The following GALNTL6 variants were observed in gnomAD, a reference collection of about 807,000 sequenced individuals.
The protein encoded by GALNTL6 is polypeptide N-acetylgalactosaminyltransferase-like 6.
Under a neutral mutation model 73.7 loss-of-function variants are expected in GALNTL6, and 46 were observed. That is an observed-to-expected ratio of 0.62 (90% CI 0.49 to 0.80). GALNTL6 has a LOEUF of 0.80. GALNTL6 is among the 30% of genes least tolerant of loss of function. The pLI, the probability that GALNTL6 is intolerant of heterozygous loss-of-function variation, is 0.00. For synonymous variants in GALNTL6, 259 were observed against 263.7 expected (o/e 0.98, Z 0.17); for missense variants, 604 against 755.0 (o/e 0.80, Z 2.34).
chr4:172,305,948 A>T (rs1014188801), intron 3 of GALNTL6, among the ~76,000 whole-genome samples: 10 of 152,172 alleles, frequency 6.6e-5, no homozygotes, highest in Admixed American at 5.9e-4. Context: ...AGATGGTCTA[A>T]TGAATGTGTA....
chr4:172,124,892 A>G (rs895362130), intron 2 of GALNTL6, among the ~76,000 whole-genome samples: 3 of 152,176 alleles, frequency 2.0e-5, no homozygotes, highest in Admixed American at 6.5e-5. Flanking sequence ...TCCTGGTTAC[A>G]TGAAAAAAAA....
chr4:172,381,627 A>G (rs1743288074), intron 5 of GALNTL6, among the ~76,000 whole-genome samples: 1 of 152,248 alleles, frequency 6.6e-6, no homozygotes, highest in Admixed American at 6.5e-5. Context: ...GAGCTATAAC[A>G]ATAATGAAAT....
At chr4:173,000,436 T>A (rs1489675538) in intron 10 of GALNTL6, among the ~76,000 whole-genome samples, 2 of 152,180 alleles carry the variant, frequency 1.3e-5, no homozygotes, top group African/African-American at 4.8e-5. Context: ...AAACATCCCA[T>A]GTTCATGGAT....
chr4:172,768,672 G>A (rs1035451803), intron 5 of GALNTL6, among the ~76,000 whole-genome samples: 1 of 152,122 alleles, frequency 6.6e-6, no homozygotes, highest in African/African-American at 2.4e-5. Context: ...AAATATGAAT[G>A]TGCCTGGAAC....
chr4:172,233,627 A>G (rs993665358), intron 3 of GALNTL6, among the ~76,000 whole-genome samples: 1 of 152,044 alleles, frequency 6.6e-6, no homozygotes, highest in African/African-American at 2.4e-5. Context: ...GTGAGTAAAA[A>G]TCCCTGTGCT....
At chr4:172,343,516 T>TCAA (rs1741640619) in intron 4 of GALNTL6, among the ~76,000 whole-genome samples, 2 of 152,148 alleles carry the variant, frequency 1.3e-5, no homozygotes, top group Non-Finnish European at 1.5e-5. Flanking sequence ...GTGGCCTTTT[T>TCAA]TATTGTTGAA....
intron 2 of GALNTL6, among the ~76,000 whole-genome samples, chr4:171,861,100 T>C (rs1735819321): frequency 6.6e-6 from 1 of 152,190 alleles, no homozygotes; most frequent in African/African-American, 2.4e-5. Context: ...TCCACCCATT[T>C]CTGCAAATTA....
chr4:172,877,795 G>A (rs766877412), intron 7 of GALNTL6, among the ~76,000 whole-genome samples: 1 of 151,816 alleles, frequency 6.6e-6, no homozygotes, highest in Non-Finnish European at 1.5e-5. Flanking sequence ...GGCATCTCAT[G>A]GATAACAGGT....
At chr4:171,999,909 T>A (rs1448034569) in intron 2 of GALNTL6, among the ~76,000 whole-genome samples, 1 of 152,178 alleles carries the variant, frequency 6.6e-6, no homozygotes, top group African/African-American at 2.4e-5. Flanking sequence ...AACACCGATA[T>A]TCATAATATG....
At chr4:172,484,613 C>G (rs1733607668) in intron 5 of GALNTL6, among the ~76,000 whole-genome samples, 1 of 152,090 alleles carries the variant, frequency 6.6e-6, no homozygotes, top group East Asian at 1.9e-4. Context: ...TTTATGTTTC[C>G]CAGACTGGGT....
At chr4:172,019,975 G>T (rs1007173214) in intron 2 of GALNTL6, among the ~76,000 whole-genome samples, 13 of 152,084 alleles carry the variant, frequency 8.5e-5, no homozygotes, top group Non-Finnish European at 1.8e-4. Context: ...CATCTTTTCT[G>T]ATCATAATGT....
At chr4:172,598,673 C>A (rs190744994) in intron 5 of GALNTL6, among the ~76,000 whole-genome samples, 21 of 152,054 alleles carry the variant, frequency 1.4e-4, no homozygotes, top group Non-Finnish European at 1.5e-4. Context: ...AATTTTGGTA[C>A]CTATCATCCA....
At chr4:172,744,946 G>T (rs926277758) in intron 5 of GALNTL6, among the ~76,000 whole-genome samples, 1 of 151,368 alleles carries the variant, frequency 6.6e-6, no homozygotes, top group African/African-American at 2.4e-5. Flanking sequence ...ATTTTCCCTT[G>T]CCATTCAATA....
At chr4:172,652,929 G>C (rs1345136331) in intron 5 of GALNTL6, among the ~76,000 whole-genome samples, 1 of 151,770 alleles carries the variant, frequency 6.6e-6, no homozygotes, top group African/African-American at 2.4e-5. Context: ...TTCTGTTTTA[G>C]TTGCTACGAT....
At chr4:172,413,060 A>G (rs981349191) in intron 5 of GALNTL6, among the ~76,000 whole-genome samples, 2 of 152,176 alleles carry the variant, frequency 1.3e-5, no homozygotes, top group African/African-American at 4.8e-5. Context: ...CCAGCCTCAG[A>G]AGACTCCCAC....
chr4:173,024,721 C>T (rs537816123), intron 12 of GALNTL6, among the ~76,000 whole-genome samples: 13 of 152,286 alleles, frequency 8.5e-5, no homozygotes, highest in African/African-American at 2.4e-4. Context: ...GCCAGGACCA[C>T]AGGCATGACC....
intron 5 of GALNTL6, among the ~76,000 whole-genome samples, chr4:172,802,767 C>A (rs986417823): frequency 9.2e-5 from 14 of 151,496 alleles, no homozygotes; most frequent in East Asian, 2.0e-4. Context: ...CACACCACTA[C>A]ACAACAGAGT....
chr4:172,444,613 G>A (rs564713003), intron 5 of GALNTL6, among the ~76,000 whole-genome samples: 1 of 152,232 alleles, frequency 6.6e-6, no homozygotes, highest in East Asian at 1.9e-4. Flanking sequence ...TTCAAAAGTT[G>A]CTGTGCCATG....
At chr4:172,683,451 G>T (rs1732742601) in intron 5 of GALNTL6, among the ~76,000 whole-genome samples, 1 of 152,112 alleles carries the variant, frequency 6.6e-6, no homozygotes, top group Non-Finnish European at 1.5e-5. Flanking sequence ...TTTTAAACCA[G>T]TGTGCCACAG....
Sources: allele counts gnomAD v4.1 joint callset (sites outside exome capture counted in the v4.1 genomes callset), GRCh38; gene constraint gnomAD v4.1.1; transcripts MANE v1.5; gene names NCBI Gene and HGNC (gene_info 2026-07-23, HGNC 2026-07-21).